Variants in ASCL3 observed in about 807,000 individuals in gnomAD.
The protein encoded by ASCL3 is achaete-scute family bHLH transcription factor 3, also known as achaete-scute homolog 3.
A neutral mutation model predicts 2.3 loss-of-function variants in ASCL3; 1 was observed. The observed-to-expected ratio is 0.44, with a 90% CI of 0.16 to 2.10. ASCL3 has a LOEUF of 2.10. ASCL3 is among the 30% of genes most tolerant of loss of function. The probability of loss-of-function intolerance (pLI) is 0.28; values close to 1 mark genes in which losing one functional copy is unlikely to be tolerated. For missense variants in ASCL3, 243 were observed against 229.0 expected, an observed-to-expected ratio of 1.06 and a Z score of -0.40; for synonymous variants, 98 against 88.5, an observed-to-expected ratio of 1.11 and a Z score of -0.60.
In ASCL3 at chr11:8,937,833, T is replaced by C. The variant is rs150867873; in HGVS notation, c.329A>G (p.Asn110Ser). 3 of 1,614,056 alleles carry C rather than the reference T, an allele frequency of 1.9e-6. No homozygotes were observed. The highest frequency in any genetic ancestry group is 2.5e-6 in the Non-Finnish European group (3 of 1,180,016). ...ERERQRVKCV[N>S]EGYAQLRHHL... is the part of the protein sequence containing the mutation. ...ATGGCGGAGCTGGGCGTAGCCTTCA[T>C]TGACACATTTCACCCGCTGCCTTTC... Residue 110 changes from asparagine (N) to serine (S), a missense_variant, in exon 2 of 2, where the codon AAT (asparagine) becomes AGT (serine). Physicochemically the swap from Asn to Ser is conservative, Grantham distance 46 (BLOSUM62 1). Transcript: ENST00000531618.
rs535748336 is a variant in ASCL3, at chr11:8,938,189, A to G, written c.-12-16T>C. On this transcript the variant is annotated splice_polypyrimidine_tract_variant and intron_variant, in intron 1 of 1. Transcript: ENST00000531618. ...CCTCTTTAACCTGCAAACATAACCAAGTTTAACAATGTGGTCAGATAGAGA... is the reference window on the plus strand; with the variant it reads ...CCTCTTTAACCTGCAAACATAACCAGGTTTAACAATGTGGTCAGATAGAGA... 3.2e-5 allele frequency: 50 copies of G among 1,546,042 alleles called. No individual in the cohort carries two copies. In the South Asian group the frequency reaches 6.1e-4, roughly 19 times the overall value.
chr11:8,941,323 T>G (rs1853690442), intron 1 of ASCL3, among the ~76,000 whole-genome samples: 1 of 133,482 alleles, frequency 7.5e-6, no homozygotes, highest in Non-Finnish European at 1.7e-5. Flanking sequence ...GTGCTTGGCA[T>G]ACTAAACACA....
In ASCL3 at chr11:8,938,034, G is replaced by A. The variant is rs781435579; in HGVS notation, c.128C>T (p.Ala43Val). 4 of 1,614,070 alleles carry A rather than the reference G, an allele frequency of 2.5e-6. No individual in the cohort carries two copies. The highest frequency in any genetic ancestry group is 3.4e-6 in the Non-Finnish European group (4 of 1,179,994). Reference sequence around the variant, plus strand: ...CTCAGAGTAAGGGGATGACACCGGGGCCTCTGGGTGCACGTGGAAAGTGAC... The same window carrying A: ...CTCAGAGTAAGGGGATGACACCGGGACCTCTGGGTGCACGTGGAAAGTGAC... The part of the protein sequence containing the change: ...PMVTFHVHPE[A>V]PVSSPYSEEL... The change falls in exon 2 of 2, where the codon GCC becomes GTC. Residue 43 changes from alanine to valine, a missense_variant. By Grantham distance (64) the Ala-to-Val change is moderately conservative. Coordinates refer to ENST00000531618, the MANE Select transcript of ASCL3 (RefSeq NM_020646.3).
At chr11:8,939,534 C>T (rs527468601) in intron 1 of ASCL3, among the ~76,000 whole-genome samples, 37 of 152,186 alleles carry the variant, frequency 2.4e-4, no homozygotes, top group African/African-American at 8.4e-4. Context: ...CCACTGTGCC[C>T]GGCCATAAGG....
chr11:8,937,670 G>A lies in ASCL3; in HGVS notation c.492C>T (p.Ser164=). Residue 164 remains serine, a synonymous_variant, in exon 2 of 2, where the codon TCC becomes TCT. Coordinates refer to ENST00000531618, the MANE Select transcript of ASCL3 (RefSeq NM_020646.3). ...GGTGGCTGGTGGTTGCTATCATGGA[G>A]GAAACTTTTCCAGGGTTATTCTTGG... The part of the protein sequence containing the change: ...AETKNNPGKV[S]SMIATTSHHA... 2 of 1,614,090 alleles carry A rather than the reference G, an allele frequency of 1.2e-6. No individual in the cohort carries two copies. The highest frequency in any genetic ancestry group is 8.5e-7 in the Non-Finnish European group (1 of 1,179,998).
At chr11:8,941,139 C>T (rs973204158) in intron 1 of ASCL3, among the ~76,000 whole-genome samples, 3 of 152,084 alleles carry the variant, frequency 2.0e-5, no homozygotes, top group Non-Finnish European at 4.4e-5. Context: ...ACTGTAGAGT[C>T]ACAGCACTGA....
chr11:8,939,528 T>G (rs2064696485), intron 1 of ASCL3, among the ~76,000 whole-genome samples: 3 of 152,112 alleles, frequency 2.0e-5, no homozygotes, highest in Admixed American at 1.3e-4. Context: ...TGTGAGCCAC[T>G]GTGCCCGGCC....
chr11:8,939,393 C>A (rs188141799), intron 1 of ASCL3, among the ~76,000 whole-genome samples: 3,058 of 152,106 alleles, frequency 0.02, 55 homozygotes, highest in Middle Eastern at 0.034. Flanking sequence ...GTGCCCGCCA[C>A]CACGCCCAGC....
intron 1 of ASCL3, among the ~76,000 whole-genome samples, chr11:8,939,296 T>C (rs1007517890): frequency 8.5e-5 from 13 of 152,114 alleles, no homozygotes; most frequent in African/African-American, 2.7e-4. Flanking sequence ...TGGAGTGCAG[T>C]GGCACGATCT....
chr11:8,939,681 G>A (rs1420824870), intron 1 of ASCL3, among the ~76,000 whole-genome samples: 1 of 152,138 alleles, frequency 6.6e-6, no homozygotes, highest in African/African-American at 2.4e-5. Context: ...GTGTGGGAAA[G>A]GCTGAAACAC....
At position 8,938,014 on chromosome 11, in the gene ASCL3, A is replaced by C; in HGVS notation, c.148T>G (p.Ser50Ala). ...AAAGGCAGCCGTGGCAGCTCCTCAG[A>C]GTAAGGGGATGACACCGGGGCCTCT... Reference protein sequence around the residue: ...HPEAPVSSPYSEELPRLPFPS... With the variant: ...HPEAPVSSPYAEELPRLPFPS... Residue 50 changes from serine (S) to alanine (A), a missense_variant, in exon 2 of 2, where the codon TCT (serine) becomes GCT (alanine). Transcript: ENST00000531618. The C allele has an allele frequency of 6.2e-7, 1 of 1,613,928 alleles. No individual in the cohort carries two copies. The highest frequency in any genetic ancestry group is 8.5e-7 in the Non-Finnish European group (1 of 1,179,900).
intron 1 of ASCL3, among the ~76,000 whole-genome samples, chr11:8,938,404 C>G (rs1174186269): frequency 6.6e-6 from 1 of 151,984 alleles, no homozygotes; most frequent in Non-Finnish European, 1.5e-5. Context: ...GCGTCTGCCA[C>G]TGCACCCAGC....
At chr11:8,941,131 TGTAGA>T in intron 1 of ASCL3, among the ~76,000 whole-genome samples, 1 of 152,242 alleles carries the variant, frequency 6.6e-6, no homozygotes, top group East Asian at 1.9e-4. Flanking sequence ...TCCTTAACAC[TGTAGA>T]GTCACAGCAC....
At chr11:8,940,447 T>C (rs1035814934) in intron 1 of ASCL3, among the ~76,000 whole-genome samples, 2 of 152,172 alleles carry the variant, frequency 1.3e-5, no homozygotes, top group African/African-American at 4.8e-5. Flanking sequence ...CAACAGATTT[T>C]ACAGAGCCAC....
rs144612303 is a variant in ASCL3 at position 8,939,145 on chromosome 11, C to T, written c.-12-972G>A. 1.1e-3 allele frequency among the ~76,000 whole-genome samples: 172 copies of T among 152,228 alleles called. 1 individual carries two copies. Among genetic ancestry groups the T allele is most frequent in the African/African-American group, 3.7e-3 (152 of 41,542 alleles). On this transcript the variant is annotated intron_variant, in intron 1 of 1. Transcript: ENST00000531618. ...ATCCTCCTAAGATCAAAGCCTTCAA[C>T]AAGCAATAGCGTCTAGTTAGAATTC...
intron 1 of ASCL3, among the ~76,000 whole-genome samples, chr11:8,942,413 G>A (rs1374982111): frequency 6.6e-6 from 1 of 152,130 alleles, no homozygotes; most frequent in African/African-American, 2.4e-5. Flanking sequence ...GTTTTTAAAA[G>A]AAAGCAACAC....
At chr11:8,940,856 A>G (rs1260195470) in intron 1 of ASCL3, among the ~76,000 whole-genome samples, 1 of 152,224 alleles carries the variant, frequency 6.6e-6, no homozygotes, top group Non-Finnish European at 1.5e-5. Context: ...ATTAGGTATT[A>G]TAAGTAATAC....
chr11:8,941,011 G>A (rs548583397), intron 1 of ASCL3, among the ~76,000 whole-genome samples: 6 of 152,224 alleles, frequency 3.9e-5, no homozygotes, highest in South Asian at 2.1e-4. Context: ...AGGAGTGACC[G>A]TGCCTATAAT....
At position 8,939,397 on chromosome 11, in the gene ASCL3, G is replaced by A. The variant is rs1011672970; in HGVS notation, c.-12-1224C>T. 3.9e-5 allele frequency among the ~76,000 whole-genome samples: 6 copies of A among 151,960 alleles called. No homozygotes were observed. In the East Asian group the frequency reaches 9.7e-4, roughly 25 times the overall value. ...TGGGATTACAGGTGCCCGCCACCAC[G>A]CCCAGCTAATTTTTTGTATTTTTAG... On this transcript the variant is annotated intron_variant, in intron 1 of 1. Coordinates refer to ENST00000531618, the MANE Select transcript of ASCL3 (RefSeq NM_020646.3).
Sources: allele counts gnomAD v4.1 joint callset (sites outside exome capture counted in the v4.1 genomes callset), GRCh38; gene constraint gnomAD v4.1.1; transcripts MANE v1.5; gene names NCBI Gene and HGNC (gene_info 2026-07-23, HGNC 2026-07-21).